The following MYOF variants were observed in gnomAD, a reference collection of about 807,000 sequenced individuals.
MYOF encodes the protein fer-1-like 3, myoferlin.
Under a neutral mutation model 284.2 loss-of-function variants are expected in MYOF, and 244 were observed. That is an observed-to-expected ratio of 0.86 (90% CI 0.77 to 0.95). The LOEUF is 0.95. Among genes scored for constraint, MYOF ranks in the 40% least tolerant of loss-of-function variants. MYOF has a pLI of 0.00. For missense variants in MYOF, 2,496 were observed against 2,560.6 expected (o/e 0.97, Z 0.54); for synonymous variants, 904 against 919.7 (o/e 0.98, Z 0.31).
At chr10:93,439,169 A>G (rs1050465010) in intron 3 of MYOF, among the ~76,000 whole-genome samples, 2 of 151,838 alleles carry the variant, frequency 1.3e-5, no homozygotes, top group Non-Finnish European at 2.9e-5. Context: ...TCTGGCCACT[A>G]TGGTATCACT....
rs752788414 is a variant in MYOF, at chr10:93,306,951, C to G, written c.*12G>C. 25 of 1,611,554 alleles carry G rather than the reference C, an allele frequency of 1.6e-5. No individual in the cohort carries two copies. The highest frequency in any genetic ancestry group is 1.3e-4 in the African/African-American group (10 of 74,752). On this transcript the variant is annotated 3_prime_UTR_variant, in exon 54 of 54. Coordinates refer to ENST00000359263, the MANE Select transcript of MYOF (RefSeq NM_013451.4). Reference sequence around the variant, plus strand: ...TTGCTGGATGACTCTTGAAATGAAGCCTTTGCCTTTGTTACACATTTGGCT... The same window carrying G: ...TTGCTGGATGACTCTTGAAATGAAGGCTTTGCCTTTGTTACACATTTGGCT...
intron 46 of MYOF, among the ~76,000 whole-genome samples, chr10:93,325,014 G>A (rs1013123096): frequency 6.6e-6 from 1 of 152,204 alleles, no homozygotes; most frequent in Admixed American, 6.5e-5. Context: ...TCCTGACTTC[G>A]TGATCCACCT....
intron 40 of MYOF, 89 bp downstream of exon 40, chr10:93,337,726 A>G (rs1420835849): frequency 5.6e-6 from 6 of 1,078,196 alleles, no homozygotes; most frequent in African/African-American, 3.1e-5. Context: ...CACCCACCCA[A>G]GGGACCTTTT....
At chr10:93,401,820 TGTGTGTGTGTGA>T (rs768614292) in intron 11 of MYOF, among the ~76,000 whole-genome samples, 1,038 of 80,912 alleles carry the variant, frequency 0.013, 6 homozygotes, top group African/African-American at 0.037. Flanking sequence ...TGTGTGTGTG[TGTGTGTGTGTGA>T]TCCTGATGTC....
intron 5 of MYOF, among the ~76,000 whole-genome samples, chr10:93,411,016 A>G (rs990647792): frequency 1.3e-5 from 2 of 152,234 alleles, no homozygotes; most frequent in African/African-American, 4.8e-5. Context: ...CTTCATTTGT[A>G]AAGAGGGGAA....
At chr10:93,451,057 C>G (rs1330295279) in intron 3 of MYOF, among the ~76,000 whole-genome samples, 1 of 152,106 alleles carries the variant, frequency 6.6e-6, no homozygotes, top group African/African-American at 2.4e-5. Context: ...GTATTAGTAT[C>G]AGCTGGGCAC....
chr10:93,336,300 T>C (rs1272484648), intron 40 of MYOF, among the ~76,000 whole-genome samples: 1 of 152,206 alleles, frequency 6.6e-6, no homozygotes, highest in Non-Finnish European at 1.5e-5. Flanking sequence ...TGAAAACACG[T>C]ACACATGGTA....
chr10:93,345,562 C>T (rs972173406), intron 37 of MYOF, among the ~76,000 whole-genome samples: 5 of 152,126 alleles, frequency 3.3e-5, no homozygotes, highest in African/African-American at 1.2e-4. Flanking sequence ...TCTACACTTC[C>T]AAGATAAGCT....
At chr10:93,336,682 A>G (rs1211945648) in intron 40 of MYOF, among the ~76,000 whole-genome samples, 1 of 152,138 alleles carries the variant, frequency 6.6e-6, no homozygotes, top group Non-Finnish European at 1.5e-5. Flanking sequence ...TACAATAATC[A>G]CAACTTGTTG....
intron 1 of MYOF, among the ~76,000 whole-genome samples, chr10:93,469,665 G>A (rs945339330): frequency 6.6e-6 from 1 of 152,170 alleles, no homozygotes; most frequent in Non-Finnish European, 1.5e-5. Flanking sequence ...AAGCAGCAGA[G>A]CCCAGATTGC....
intron 1 of MYOF, among the ~76,000 whole-genome samples, chr10:93,481,559 C>CA (rs1214752488): frequency 6.6e-6 from 1 of 151,990 alleles, no homozygotes; most frequent in Non-Finnish European, 1.5e-5. Context: ...ACAGAATGTA[C>CA]AAAAAAAGCT....
In MYOF at chr10:93,397,745, T is replaced by C. The variant is rs557826918; in HGVS notation, c.1222-289A>G. Among the ~76,000 whole-genome samples the C allele has an allele frequency of 2.6e-5, 4 of 152,024 alleles. No individual in the cohort carries two copies. The East Asian group carries it at 5.8e-4, about 22-fold the overall frequency. ...AGCAAGAGATAAGGTTGATAGAGCATTTGTTACATACCGTTTGGGAAGCAT... is the reference window on the plus strand; with the variant it reads ...AGCAAGAGATAAGGTTGATAGAGCACTTGTTACATACCGTTTGGGAAGCAT... On this transcript the variant is annotated intron_variant, in intron 13 of 53. Coordinates refer to ENST00000359263, the MANE Select transcript of MYOF (RefSeq NM_013451.4).
At chr10:93,328,629 T>G (rs1589393718) in intron 45 of MYOF, 134 bp downstream of exon 45, 2 of 842,326 alleles carry the variant, frequency 2.4e-6, no homozygotes. Context: ...GACGTGGCTG[T>G]TGTTAGTGTC....
At chr10:93,475,802 C>T (rs948868002) in intron 1 of MYOF, among the ~76,000 whole-genome samples, 4 of 152,066 alleles carry the variant, frequency 2.6e-5, no homozygotes, top group South Asian at 2.1e-4. Flanking sequence ...GCTGAGGGCA[C>T]GCAGGTGAGA....
chr10:93,379,860 T>A lies in MYOF; in HGVS notation c.2001+3A>T. On this transcript the variant is annotated splice_donor_region_variant and intron_variant, in intron 21 of 53. Transcript: ENST00000359263. ...AAGGAAATGCAGAAAAAGAGAAACT[T>A]ACCAGCCGTTCTGCCATAGCTAGGA... 1 of 1,613,324 alleles carries A rather than the reference T, an allele frequency of 6.2e-7. No individual in the cohort carries two copies. Among genetic ancestry groups the A allele is most frequent in the African/African-American group, 1.3e-5 (1 of 75,016 alleles).
chr10:93,470,303 A>G (rs898964706), intron 1 of MYOF, among the ~76,000 whole-genome samples: 1 of 152,320 alleles, frequency 6.6e-6, no homozygotes, highest in African/African-American at 2.4e-5. Flanking sequence ...ATAACTAAGT[A>G]CATGTGAAGC....
At chr10:93,333,120 A>T in intron 43 of MYOF, 101 bp downstream of exon 43, 2 of 973,076 alleles carry the variant, frequency 2.1e-6, no homozygotes, top group South Asian at 1.3e-5. Context: ...GTTCACAAAC[A>T]CAGTTTCAGA....
chr10:93,350,375 C>T (rs375603326), intron 35 of MYOF, among the ~76,000 whole-genome samples: 7 of 151,864 alleles, frequency 4.6e-5, no homozygotes, highest in Non-Finnish European at 1.5e-5. Flanking sequence ...TACAGTGGCA[C>T]GAACTAGGCT....
rs1361477768 is a variant in MYOF at position 93,377,429 on chromosome 10, G to T, written c.2002C>A (p.Gln668Lys). The T allele has an allele frequency of 6.2e-7, 1 of 1,606,232 alleles. No individual in the cohort carries two copies. Among genetic ancestry groups the T allele is most frequent in the Non-Finnish European group, 8.5e-7 (1 of 1,173,332 alleles). Residue 668 changes from glutamine to lysine, a missense_variant and splice_region_variant, in exon 22 of 54, where the codon CAA (glutamine) becomes AAA (lysine). Coordinates refer to ENST00000359263, the MANE Select transcript of MYOF (RefSeq NM_013451.4). ...GATTTTAGAGCTTCTATATTTGTTT[G>T]CTGAAGAATTTGAAAAGAGAGGAAA... ...NTLLAMAERL[Q>K]TNIEALKSGI... is the part of the protein sequence containing the mutation.
Sources: gnomAD v4.1 joint callset for allele counts (sites outside exome capture counted in the v4.1 genomes callset) on GRCh38, gnomAD v4.1.1 for gene constraint, MANE v1.5 for transcripts, NCBI Gene and HGNC (gene_info 2026-07-23, HGNC 2026-07-21) for gene names.